The following CDH22 variants were observed in gnomAD, a reference collection of about 807,000 sequenced individuals.
CDH22 encodes the protein cadherin 22, also known as cadherin-22.
A neutral mutation model predicts 58.4 loss-of-function variants in CDH22; 30 were observed. The ratio of observed to expected loss-of-function variants is 0.51; its 90% CI spans 0.38 to 0.70. CDH22 has a LOEUF of 0.70. Among genes scored for constraint, CDH22 ranks in the 30% least tolerant of loss-of-function variants. The probability of loss-of-function intolerance (pLI) is 0.00; values close to 1 mark genes in which losing one functional copy is unlikely to be tolerated. For missense variants in CDH22, 1,014 were observed against 1,233.9 expected, an observed-to-expected ratio of 0.82 and a Z score of 2.67; for synonymous variants, 513 against 558.2, an observed-to-expected ratio of 0.92 and a Z score of 1.14.
intron 1 of CDH22, among the ~76,000 whole-genome samples, chr20:46,286,294 C>T (rs1461548447): frequency 1.3e-5 from 2 of 152,190 alleles, no homozygotes; most frequent in Non-Finnish European, 2.9e-5. Flanking sequence ...TCAGCTCTCC[C>T]ACTCTGATGC....
chr20:46,227,451 C>T (rs1380844677), intron 4 of CDH22, 57 bp downstream of exon 4: 9 of 1,405,112 alleles, frequency 6.4e-6, no homozygotes, highest in Middle Eastern at 2.4e-4. Flanking sequence ...GTCCTCGTCC[C>T]GCCCCGCCCC....
chr20:46,235,280 C>A (rs536606037), intron 3 of CDH22, among the ~76,000 whole-genome samples: 1 of 152,292 alleles, frequency 6.6e-6, no homozygotes, highest in South Asian at 2.1e-4. Context: ...AATCCTCTTG[C>A]CATCCCATTC....
chr20:46,192,314 G>C (rs939904595), intron 8 of CDH22, among the ~76,000 whole-genome samples: 41 of 152,306 alleles, frequency 2.7e-4, no homozygotes, highest in African/African-American at 8.9e-4. Context: ...GGGAGGTGCA[G>C]GGGGAGAAAC....
chr20:46,179,852 C>T (rs2085771782), intron 10 of CDH22, among the ~76,000 whole-genome samples: 1 of 152,192 alleles, frequency 6.6e-6, no homozygotes, highest in African/African-American at 2.4e-5. Context: ...CTTCCCTGTG[C>T]TGCACCCGCT....
chr20:46,215,388 C>G (rs1243983796), intron 5 of CDH22, among the ~76,000 whole-genome samples: 1 of 152,150 alleles, frequency 6.6e-6, no homozygotes, highest in African/African-American at 2.4e-5. Context: ...AAGACAAAAA[C>G]AATTTGTATT....
chr20:46,294,019 C>CA (rs959045634), intron 1 of CDH22, among the ~76,000 whole-genome samples: 58 of 151,898 alleles, frequency 3.8e-4, no homozygotes, highest in African/African-American at 1.2e-3. Flanking sequence ...CATCTCAAAA[C>CA]AAAAAAACAC....
rs1358841223 is a variant in CDH22, at chr20:46,174,890, G to T, written c.2103C>A (p.Asp701Glu). The change falls in exon 12 of 12, where the codon GAC becomes GAA. Residue 701 changes from aspartate to glutamate, a missense_variant. Around this residue, in one of 2 missense-constraint regions of CDH22, gnomAD observed 208 missense variants for 195.2 expected, o/e 1.07. Coordinates refer to ENST00000537909, the MANE Select transcript of CDH22 (RefSeq NM_021248.3). The surrounding 1 kb of genome is among the most constrained non-coding windows in gnomAD (Gnocchi z 4.4). ...LYDFGELKGG[D>E]GGGSAGGGAG... is the part of the protein sequence containing the mutation. ...CTCCCCCGCCCGCGCTGCCGCCCCC[G>T]TCGCCGCCCTTGAGCTCGCCGAAGT... 6.0e-6 allele frequency: 5 copies of T among 828,990 alleles called. No homozygotes were observed. In the African/African-American group the frequency reaches 1.1e-4, roughly 18 times the overall value. 51.4% of individuals were successfully genotyped at this position (828,990 alleles called of 1,614,324 possible).
chr20:46,227,448 TCCCGCCCCGCCCCTGGC>T, intron 4 of CDH22, 43 bp downstream of exon 4: 1 of 1,404,432 alleles, frequency 7.1e-7, no homozygotes. Flanking sequence ...GTGGTCCTCG[TCCCGCCCCGCCCCTGGC>T]CCCGCCCCAC....
chr20:46,297,439 C>G (rs1419939441), intron 1 of CDH22, among the ~76,000 whole-genome samples: 1 of 151,208 alleles, frequency 6.6e-6, no homozygotes, highest in Middle Eastern at 3.2e-3. Flanking sequence ...GTGGGGGGCT[C>G]CGTGGAGGGT....
intron 2 of CDH22, among the ~76,000 whole-genome samples, chr20:46,246,307 A>C (rs910630796): frequency 6.6e-6 from 1 of 152,210 alleles, no homozygotes; most frequent in African/African-American, 2.4e-5. Context: ...AATTTTCTTT[A>C]AATATTAGCA....
At position 46,227,515 on chromosome 20, in the gene CDH22, G is replaced by A; in HGVS notation, c.663C>T (p.Pro221=). ...CCCCGCCCTGCCCCTCACCGGTCTT[G>A]GGGTCCACGGTGAAGTGGTGCTCGC... The part of the protein sequence containing the change: ...LDGEHHFTVD[P]KTGVIRTAVP... The change falls in exon 4 of 12, where the codon CCC becomes CCT. Residue 221 remains proline, a synonymous_variant. Transcript: ENST00000537909. The A allele has an allele frequency of 6.5e-7, 1 of 1,535,278 alleles. No individual in the cohort carries two copies. The highest frequency in any genetic ancestry group is 8.8e-7 in the Non-Finnish European group (1 of 1,133,490).
chr20:46,241,332 G>A lies in CDH22; in HGVS notation c.256-75C>T. The A allele has an allele frequency of 1.5e-6, 2 of 1,295,394 alleles. No homozygotes were observed. Among genetic ancestry groups the A allele is most frequent in the Non-Finnish European group, 2.1e-6 (2 of 945,852 alleles). 80.2% of individuals were successfully genotyped at this position (1,295,394 alleles called of 1,614,324 possible). ...CTTGGCCTCACTGTCTCATGCCATTGGCTGCCTATTCCTAAGCCCATCTCT... is the reference window on the plus strand; with the variant it reads ...CTTGGCCTCACTGTCTCATGCCATTAGCTGCCTATTCCTAAGCCCATCTCT... On this transcript the variant is annotated intron_variant, in intron 2 of 11. Coordinates refer to ENST00000537909, the MANE Select transcript of CDH22 (RefSeq NM_021248.3). The surrounding 1 kb of genome is among the most constrained non-coding windows in gnomAD (Gnocchi z 5.2).
chr20:46,294,066 T>C (rs985630912), intron 1 of CDH22, among the ~76,000 whole-genome samples: 4 of 152,084 alleles, frequency 2.6e-5, no homozygotes, highest in Non-Finnish European at 5.9e-5. Flanking sequence ...CTCAGTTTCT[T>C]CACTTGTAAA....
chr20:46,238,393 G>A (rs1445564718), intron 3 of CDH22, among the ~76,000 whole-genome samples: 3 of 152,302 alleles, frequency 2.0e-5, no homozygotes, highest in Admixed American at 6.5e-5. Context: ...TGTATGCTAA[G>A]TTCTTGCCAG....
chr20:46,209,681 T>C (rs1030629297), intron 7 of CDH22: 3 of 151,934 alleles, frequency 2.0e-5, no homozygotes, highest in Non-Finnish European at 2.9e-5. Context: ...ATTTTTAAGG[T>C]AGAGACAGCA....
At chr20:46,254,759 G>A (rs942464209) in intron 1 of CDH22, among the ~76,000 whole-genome samples, 1 of 152,130 alleles carries the variant, frequency 6.6e-6, no homozygotes, top group African/African-American at 2.4e-5. Flanking sequence ...GTATCAGGGA[G>A]GGAGGGCCTC....
intron 1 of CDH22, among the ~76,000 whole-genome samples, chr20:46,297,012 G>T (rs1259086826): frequency 1.3e-5 from 2 of 152,116 alleles, no homozygotes. Flanking sequence ...AGGGTCTTAT[G>T]GTCCCAAATC....
rs1232312332 is a variant in CDH22, at chr20:46,212,987, A to C, written c.1032+8T>G. 2.5e-6 allele frequency: 4 copies of C among 1,613,012 alleles called. No homozygotes were observed. The highest frequency in any genetic ancestry group is 2.5e-6 in the Non-Finnish European group (3 of 1,179,256). On this transcript the variant is annotated splice_region_variant and intron_variant, in intron 6 of 11. Transcript: ENST00000537909. The stretch of plus-strand genomic sequence containing the variant: ...CTGCCTCCCCCATTCCTCCTGAGGC[A>C]GCTGCACCTTCTGCACTACGATGAT...
chr20:46,185,924 C>G (rs2085821632), intron 10 of CDH22, among the ~76,000 whole-genome samples: 1 of 151,182 alleles, frequency 6.6e-6, no homozygotes, highest in South Asian at 2.1e-4. Flanking sequence ...TTTTAAACTG[C>G]AGGGTGGGCT....
Sources: allele counts gnomAD v4.1 joint callset (sites outside exome capture counted in the v4.1 genomes callset), GRCh38; gene constraint gnomAD v4.1.1; regional missense constraint gnomAD v4.1.1; non-coding constraint Gnocchi (gnomAD v3.1); transcripts MANE v1.5; gene names NCBI Gene and HGNC (gene_info 2026-07-23, HGNC 2026-07-21).